Variants in MAT2B observed in about 807,000 individuals in gnomAD.
MAT2B encodes methionine adenosyltransferase 2 subunit beta.
MAT2B carries 16 observed loss-of-function variants against 36.1 expected under a neutral mutation model. That is an observed-to-expected ratio of 0.44 (90% CI 0.30 to 0.67). The LOEUF (loss-of-function observed/expected upper bound fraction) is 0.67, where lower values mean the gene tolerates loss of function less well. Ranked by LOEUF, MAT2B falls within the 30% of genes least tolerant of loss-of-function variation. The pLI is 0.09. For missense variants in MAT2B, 332 were observed against 398.2 expected (o/e 0.83, Z 1.42); for synonymous variants, 148 against 136.9 (o/e 1.08, Z -0.57).
intron 4 of MAT2B, among the ~76,000 whole-genome samples, chr5:163,516,271 A>AAC (rs1462131603): frequency 6.6e-6 from 1 of 151,926 alleles, no homozygotes; most frequent in Non-Finnish European, 1.5e-5. Flanking sequence ...GCTGATCTTG[A>AAC]ACTCCTGGCT....
rs1456682625 is a variant in MAT2B, at chr5:163,505,623, C to T, written c.-64C>T. The T allele has an allele frequency of 8.0e-7, 1 of 1,250,744 alleles. No homozygotes were observed. The highest frequency in any genetic ancestry group is 1.0e-6 in the Non-Finnish European group (1 of 989,088). The allele number at this position is 1,250,744 out of a possible 1,614,324, so 77.5% of individuals were successfully genotyped here. On this transcript the variant is annotated 5_prime_UTR_variant, in exon 1 of 7. Transcript: ENST00000321757. ...CGGGCCGAGGGCGTCTGAGCTGAGG[C>T]CCGCGTCGATCCTGGGTTGGAGGAG...
At chr5:163,510,507 C>T (rs1311527010) in intron 1 of MAT2B, among the ~76,000 whole-genome samples, 2 of 150,684 alleles carry the variant, frequency 1.3e-5, no homozygotes, top group Admixed American at 1.3e-4. Flanking sequence ...GCAATTCTCC[C>T]GCCTCGCCTC....
chr5:163,505,578 C>A (rs571798449), upstream of MAT2B: 22 of 1,246,880 alleles, frequency 1.8e-5, no homozygotes, highest in Admixed American at 2.1e-4. Context: ...CGAGCGGGGT[C>A]GTTCTGGGCC....
chr5:163,513,785 TC>T (rs1760087955), intron 3 of MAT2B, 56 bp from the exon 4 acceptor site: 1 of 1,551,116 alleles, frequency 6.4e-7, no homozygotes, highest in Non-Finnish European at 8.8e-7. Flanking sequence ...CATTCTAAAT[TC>T]CATGAAAGAG....
chr5:163,517,000 C>T, intron 5 of MAT2B: 1 of 524,372 alleles, frequency 1.9e-6, no homozygotes. Flanking sequence ...TAAGAAGATA[C>T]TCTTTGGGGG....
At chr5:163,503,152 A>T (rs1299598127), upstream of MAT2B, 1 of 446,536 alleles carries the variant, frequency 2.2e-6, no homozygotes, top group African/African-American at 2.0e-5. Flanking sequence ...TAAACATGAA[A>T]CTTCTCATTG....
At chr5:163,507,118 A>G (rs370040675) in intron 1 of MAT2B, among the ~76,000 whole-genome samples, 5 of 152,336 alleles carry the variant, frequency 3.3e-5, no homozygotes, top group African/African-American at 1.2e-4. Flanking sequence ...GAATTAAAAA[A>G]TTAAACATGG....
chr5:163,518,529 G>GGGCA lies in MAT2B; in HGVS notation c.*168_*171dup. ...AGTGAAATTGTCTAAAGAAACTAAAGGGCAGTCATGCCCTGTTTGCAGTAA... is the reference window on the plus strand; with the variant it reads ...AGTGAAATTGTCTAAAGAAACTAAAGGGCAGGCAGTCATGCCCTGTTTGCAGTAA... On this transcript the variant is annotated 3_prime_UTR_variant, in exon 7 of 7. Transcript: ENST00000321757. 1.9e-6 allele frequency: 1 copy of GGGCA among 534,616 alleles called. No individual in the cohort carries two copies. The highest frequency in any genetic ancestry group is 3.1e-6 in the Non-Finnish European group (1 of 318,728). The allele number at this position is 534,616 out of a possible 1,614,324, so 33.1% of individuals were successfully genotyped here.
chr5:163,503,420 A>T (rs776039678), upstream of MAT2B: 9 of 1,613,780 alleles, frequency 5.6e-6, no homozygotes, highest in Admixed American at 1.3e-4. Flanking sequence ...GAGGACATGG[A>T]GCAGGTAAGA....
At chr5:163,516,789 T>TG (rs1396949216) in intron 5 of MAT2B, 78 bp downstream of exon 5, 1 of 1,518,098 alleles carries the variant, frequency 6.6e-7, no homozygotes, top group South Asian at 1.1e-5. Context: ...CAGCTGTACT[T>TG]GGAGTGTTAC....
At chr5:163,513,727 A>C (rs1264514643) in intron 3 of MAT2B, 58 bp downstream of exon 3, 1 of 1,543,172 alleles carries the variant, frequency 6.5e-7, no homozygotes, top group Non-Finnish European at 8.9e-7. Context: ...AGTTTTTAGA[A>C]ATTAAGGTTT....
upstream of MAT2B, chr5:163,503,311 G>A: frequency 4.6e-6 from 6 of 1,315,656 alleles, no homozygotes; most frequent in Non-Finnish European, 6.6e-6. Flanking sequence ...GCTCTCTGCA[G>A]GCAGAAGCGA....
chr5:163,503,754 T>C (rs1759884963), upstream of MAT2B, among the ~76,000 whole-genome samples: 2 of 152,228 alleles, frequency 1.3e-5, no homozygotes, highest in African/African-American at 4.8e-5. Context: ...CCAGATGTTC[T>C]TTGTCTTTGT....
intron 6 of MAT2B, 54 bp downstream of exon 6, chr5:163,517,728 G>A (rs1760155504): frequency 4.6e-6 from 5 of 1,093,914 alleles, no homozygotes; most frequent in Non-Finnish European, 7.0e-6. Context: ...ATATATTATT[G>A]CTGTGTTGGG....
chr5:163,505,869 G>A, intron 1 of MAT2B, 120 bp downstream of exon 1: 3 of 739,994 alleles, frequency 4.1e-6, no homozygotes, highest in Non-Finnish European at 5.7e-6. Flanking sequence ...GGCCGGGAGT[G>A]GTCTCACCGC....
intron 1 of MAT2B, among the ~76,000 whole-genome samples, chr5:163,510,388 T>C (rs1216518744): frequency 6.7e-6 from 1 of 148,748 alleles, no homozygotes; most frequent in African/African-American, 2.5e-5. Context: ...CGTTTATTAG[T>C]TTTAGCTTTT....
upstream of MAT2B, chr5:163,503,338 A>C: frequency 6.4e-7 from 1 of 1,554,204 alleles, no homozygotes; most frequent in East Asian, 2.2e-5. Context: ...ACCCAGCAAG[A>C]GAAGGCAGAG....
upstream of MAT2B, chr5:163,503,352 A>G (rs369376244): frequency 1.0e-5 from 16 of 1,602,150 alleles, no homozygotes; most frequent in South Asian, 1.1e-4. Flanking sequence ...GGCAGAGGCT[A>G]AGACCCATCC....
chr5:163,512,524 G>A (rs778737257), intron 2 of MAT2B: 1 of 398,626 alleles, frequency 2.5e-6, no homozygotes, highest in Non-Finnish European at 4.7e-6. Flanking sequence ...TTTTAGGGCT[G>A]AGGGAGCAGG....
Sources: gnomAD v4.1 joint callset for allele counts (sites outside exome capture counted in the v4.1 genomes callset) on GRCh38, gnomAD v4.1.1 for gene constraint, MANE v1.5 for transcripts, NCBI Gene and HGNC (gene_info 2026-07-23, HGNC 2026-07-21) for gene names.